Variants in GON4L observed in about 807,000 individuals in gnomAD.
GON4L encodes the protein gon-4 like, also known as GON-4-like protein.
GON4L carries 87 observed loss-of-function variants against 211.8 expected under a neutral mutation model. The observed-to-expected ratio is 0.41, with a 90% CI of 0.35 to 0.49. The LOEUF (loss-of-function observed/expected upper bound fraction) is 0.49. Ranked by LOEUF, GON4L falls within the 20% of genes least tolerant of loss-of-function variation. GON4L has a pLI of 0.15. For missense variants in GON4L, 2,155 were observed against 2,659.5 expected, an observed-to-expected ratio of 0.81 and a Z score of 4.17; for synonymous variants, 875 against 962.6, an observed-to-expected ratio of 0.91 and a Z score of 1.68.
rs141220853 is a variant in GON4L, at chr1:155,766,377, C to T, written c.3096G>A (p.Pro1032=). The change falls in exon 21 of 32, where the codon CCG becomes CCA. Residue 1032 remains proline, a synonymous_variant. Transcript: ENST00000368331. ...PARSTHSEAP[P]SKMVLRIPHP... ...GAGGAATCCGGAGCACCATTTTGCT[C>T]GGAGGGGCTTCTGAATGAGTTGATC... 9.3e-6 allele frequency: 15 copies of T among 1,613,924 alleles called. No homozygotes were observed. The highest frequency in any genetic ancestry group is 1.6e-4 in the Middle Eastern group (1 of 6,084).
At chr1:155,825,883 A>C (rs1669161791) in intron 3 of GON4L, among the ~76,000 whole-genome samples, 1 of 152,056 alleles carries the variant, frequency 6.6e-6, no homozygotes, top group African/African-American at 2.4e-5. Context: ...TCTCTACAAA[A>C]AATACAAAAA....
rs1661219230 is a variant in GON4L, at chr1:155,756,665, T to C, written c.5517+293A>G. 3 of 336,678 alleles carry C rather than the reference T, an allele frequency of 8.9e-6. No individual in the cohort carries two copies. In the South Asian group the frequency reaches 9.4e-5, roughly 11 times the overall value. 20.9% of individuals were successfully genotyped at this position (336,678 alleles called of 1,614,324 possible). On this transcript the variant is annotated intron_variant, in intron 27 of 31. Coordinates refer to ENST00000368331, the MANE Select transcript of GON4L (RefSeq NM_001282860.2). ...TTAGGCCAGGCGTAGTGGCTCACACTTGTAATCCCAGCACTTTGGGAGGCC... is the reference window on the plus strand; with the variant it reads ...TTAGGCCAGGCGTAGTGGCTCACACCTGTAATCCCAGCACTTTGGGAGGCC...
chr1:155,849,656 C>G (rs1671590741), intron 2 of GON4L, among the ~76,000 whole-genome samples: 1 of 150,968 alleles, frequency 6.6e-6, no homozygotes, highest in African/African-American at 2.4e-5. Context: ...TGCCTGTAAT[C>G]CCAGCTACTC....
chr1:155,800,123 T>C (rs1027654086), intron 11 of GON4L, among the ~76,000 whole-genome samples: 7 of 151,478 alleles, frequency 4.6e-5, no homozygotes, highest in Non-Finnish European at 2.9e-5. Context: ...CGCTTGAACC[T>C]GGGAGGCAGA....
rs1405273206 is a variant in GON4L at position 155,749,764 on chromosome 1, C to T, written c.*820G>A. ...TTCACCCTATGGCTCCCAAGAAAAG[C>T]ATTCTTCCTCTGGAGTACTGGTGTA... On this transcript the variant is annotated 3_prime_UTR_variant, in exon 32 of 32. Transcript: ENST00000368331. 1 of 616,338 alleles carries T rather than the reference C, an allele frequency of 1.6e-6. No homozygotes were observed. The highest frequency in any genetic ancestry group is 2.3e-5 in the African/African-American group (1 of 43,792). The allele number at this position is 616,338 out of a possible 1,614,324, so 38.2% of individuals were successfully genotyped here.
At chr1:155,830,895 T>C (rs1669698556) in intron 2 of GON4L, among the ~76,000 whole-genome samples, 1 of 152,172 alleles carries the variant, frequency 6.6e-6, no homozygotes, top group African/African-American at 2.4e-5. Flanking sequence ...CCAAATATTT[T>C]TTAAGTAGTA....
chr1:155,762,069 T>TA, intron 23 of GON4L, 121 bp downstream of exon 23: 1 of 718,948 alleles, frequency 1.4e-6, no homozygotes, highest in Non-Finnish European at 2.4e-6. Context: ...AAAGCCAAGA[T>TA]AGAGGAATAT....
At chr1:155,790,243 G>GCA (rs1315742213) in intron 12 of GON4L, among the ~76,000 whole-genome samples, 7 of 151,982 alleles carry the variant, frequency 4.6e-5, no homozygotes, top group African/African-American at 1.7e-4. Flanking sequence ...GGGACTACAG[G>GCA]CGTGAGCCAC....
chr1:155,845,359 G>A, intron 2 of GON4L: 1 of 222,324 alleles, frequency 4.5e-6, no homozygotes, highest in Non-Finnish European at 9.2e-6. Context: ...AGGCCTGGTG[G>A]CCAGAGTGTA....
At chr1:155,820,816 A>G (rs1201161628) in intron 5 of GON4L, among the ~76,000 whole-genome samples, 160 bp from the exon 6 acceptor site, 1 of 152,144 alleles carries the variant, frequency 6.6e-6, no homozygotes, top group African/African-American at 2.4e-5. Flanking sequence ...CACCCTCCCT[A>G]CAAAAAAATT....
intron 2 of GON4L, chr1:155,845,718 G>C (rs12139448): frequency 6.7e-6 from 2 of 297,150 alleles, no homozygotes; most frequent in Non-Finnish European, 1.4e-5. Flanking sequence ...AGATACTGCC[G>C]TAACTCAGTA....
chr1:155,814,091 G>C (rs192732599), intron 9 of GON4L, among the ~76,000 whole-genome samples: 88 of 152,250 alleles, frequency 5.8e-4, no homozygotes, highest in African/African-American at 2.1e-3. Flanking sequence ...TATGAAAGAA[G>C]AGAAGGGTAG....
chr1:155,789,294 AG>A (rs1391149871), intron 12 of GON4L, among the ~76,000 whole-genome samples: 3 of 152,142 alleles, frequency 2.0e-5, no homozygotes, highest in Non-Finnish European at 4.4e-5. Flanking sequence ...ACCTATAAAA[AG>A]AAATCATAAA....
intron 16 of GON4L, among the ~76,000 whole-genome samples, chr1:155,776,156 A>G (rs1410796716): frequency 6.6e-6 from 1 of 152,242 alleles, no homozygotes; most frequent in Non-Finnish European, 1.5e-5. Context: ...GGAGGATTCA[A>G]TAAAAATATC....
chr1:155,855,239 G>C (rs17370773), intron 1 of GON4L, among the ~76,000 whole-genome samples: 2 of 151,944 alleles, frequency 1.3e-5, no homozygotes, highest in Non-Finnish European at 2.9e-5. Context: ...CCTCTTTTAC[G>C]GTACTTATCA....
At position 155,768,872 on chromosome 1, in the gene GON4L, T is replaced by C. The variant is rs571199543; in HGVS notation, c.2647-1331A>G. On this transcript the variant is annotated intron_variant, in intron 19 of 31. Coordinates refer to ENST00000368331, the MANE Select transcript of GON4L (RefSeq NM_001282860.2). ...AGAATTTGTCTAGTTTCATCCGTGG[T>C]GCTAAGGCACTTGATAAACCGTATT... Among the ~76,000 whole-genome samples the C allele has an allele frequency of 2.0e-5, 3 of 152,380 alleles. No homozygotes were observed. The East Asian group carries it at 5.8e-4, about 29-fold the overall frequency.
intron 20 of GON4L, 89 bp from the exon 21 acceptor site, chr1:155,766,798 C>A (rs1662543904): frequency 6.3e-7 from 1 of 1,591,610 alleles, no homozygotes; most frequent in Non-Finnish European, 8.5e-7. Context: ...GTAATCCCAG[C>A]ACTTTGGGAG....
rs192649915 is a variant in GON4L at position 155,775,358 on chromosome 1, T to C, written c.2179-185A>G. On this transcript the variant is annotated intron_variant, in intron 16 of 31. Coordinates refer to ENST00000368331, the MANE Select transcript of GON4L (RefSeq NM_001282860.2). ...GCCTGAGTTCCCAGATATTCAGGGA[T>C]TGTATTCTTGTTTTACTTTTAGACT... Among the ~76,000 whole-genome samples, 6 of 152,300 alleles carry C rather than the reference T, an allele frequency of 3.9e-5. No individual in the cohort carries two copies. The East Asian group carries it at 5.8e-4, about 15-fold the overall frequency.
chr1:155,806,082 G>C (rs1297432875), intron 10 of GON4L, among the ~76,000 whole-genome samples: 1 of 151,574 alleles, frequency 6.6e-6, no homozygotes, highest in Non-Finnish European at 1.5e-5. Flanking sequence ...CGAACTCCTG[G>C]GCTCAAGCAA....
Sources: allele counts gnomAD v4.1 joint callset (sites outside exome capture counted in the v4.1 genomes callset), GRCh38; gene constraint gnomAD v4.1.1; transcripts MANE v1.5; gene names NCBI Gene and HGNC (gene_info 2026-07-23, HGNC 2026-07-21).